CMSS1: variants seen among roughly 807,000 people sequenced by gnomAD.
CMSS1 encodes cms1 ribosomal small subunit homolog, also known as protein CMSS1.
A neutral mutation model predicts 43.5 loss-of-function variants in CMSS1; 33 were observed. The ratio of observed to expected loss-of-function variants is 0.76; its 90% CI spans 0.57 to 1.01. The LOEUF (loss-of-function observed/expected upper bound fraction) is 1.01. CMSS1 is among the 50% of genes least tolerant of loss of function. The pLI is 0.00. For synonymous variants in CMSS1, 115 were observed against 117.2 expected, an observed-to-expected ratio of 0.98 and a Z score of 0.12; for missense variants, 313 against 326.4, an observed-to-expected ratio of 0.96 and a Z score of 0.32.
intron 1 of CMSS1, among the ~76,000 whole-genome samples, chr3:100,119,709 AT>A (rs1463899787): frequency 2.6e-5 from 4 of 152,242 alleles, no homozygotes; most frequent in Non-Finnish European, 5.9e-5. Context: ...GGTAAAAAAA[AT>A]AAGAAAATTA....
At chr3:99,879,535 T>A (rs1361666510) in intron 1 of CMSS1, among the ~76,000 whole-genome samples, 2 of 152,228 alleles carry the variant, frequency 1.3e-5, no homozygotes, top group African/African-American at 4.8e-5. Context: ...CTCCCTGCCT[T>A]TGTTTCTTCT....
At chr3:100,148,828 A>C (rs922719542) in intron 2 of CMSS1, among the ~76,000 whole-genome samples, 5 of 152,094 alleles carry the variant, frequency 3.3e-5, no homozygotes, top group African/African-American at 1.2e-4. Context: ...ATACATGTTT[A>C]ATATATAATC....
intron 1 of CMSS1, among the ~76,000 whole-genome samples, chr3:99,946,866 CA>C (rs776776640): frequency 1.8e-4 from 28 of 152,124 alleles, no homozygotes; most frequent in Non-Finnish European, 3.7e-4. Context: ...CTGTCTCCAT[CA>C]AGGATACAGT....
chr3:99,850,091 G>C, intron 1 of CMSS1: 1 of 1,612,868 alleles, frequency 6.2e-7, no homozygotes, highest in Admixed American at 1.7e-5. Context: ...ACTTTATTTT[G>C]CTCCACTTGA....
intron 1 of CMSS1, among the ~76,000 whole-genome samples, chr3:100,140,165 C>A (rs1351601191): frequency 1.3e-5 from 2 of 152,204 alleles, no homozygotes; most frequent in Non-Finnish European, 2.9e-5. Flanking sequence ...CAACATCACA[C>A]AACTAATAAT....
rs539863739 is a variant in CMSS1, at chr3:99,823,484, CT to C, written c.64+5442del. On this transcript the variant is annotated intron_variant, in intron 1 of 9. Coordinates refer to ENST00000421999, the MANE Select transcript of CMSS1 (RefSeq NM_032359.4). ...TCTGATTTATTTATTTTTTTCACCC[CT>C]ATATCTCATCCATCAAGTCCTGTTG... Among the ~76,000 whole-genome samples the C allele has an allele frequency of 1.6e-4, 24 of 152,228 alleles. No individual in the cohort carries two copies. The East Asian group carries it at 4.6e-3, about 29-fold the overall frequency.
chr3:99,957,693 C>CTTTCTTTTTTTTTTTTTT (rs1708364770), intron 1 of CMSS1, among the ~76,000 whole-genome samples: 1 of 19,902 alleles, frequency 5.0e-5, no homozygotes, highest in East Asian at 8.8e-4. Context: ...TTCTTTCTTT[C>CTTTCTTTTTTTTTTTTTT]TTTTTTTTTT....
At chr3:99,970,102 T>G (rs1283093613) in intron 1 of CMSS1, among the ~76,000 whole-genome samples, 1 of 152,264 alleles carries the variant, frequency 6.6e-6, no homozygotes, top group Non-Finnish European at 1.5e-5. Flanking sequence ...ATAAAAATAG[T>G]AATTTCATAT....
chr3:100,067,230 C>T (rs530931817), intron 1 of CMSS1, among the ~76,000 whole-genome samples: 2 of 152,096 alleles, frequency 1.3e-5, no homozygotes, highest in African/African-American at 4.8e-5. Flanking sequence ...CACAGTTGAA[C>T]AAAAGTAAGG....
At chr3:100,029,423 CTAAA>C (rs34230430) in intron 1 of CMSS1, among the ~76,000 whole-genome samples, 28,008 of 151,882 alleles carry the variant, frequency 0.18, 2,882 homozygotes, top group South Asian at 0.25. Context: ...AAATAAAAAG[CTAAA>C]TAGTCATTCA....
At chr3:100,107,916 G>A (rs943727962) in intron 1 of CMSS1, among the ~76,000 whole-genome samples, 1 of 150,572 alleles carries the variant, frequency 6.6e-6, no homozygotes, top group Non-Finnish European at 1.5e-5. Flanking sequence ...TAGGGCCAGA[G>A]AATCTCAGGG....
At chr3:99,887,077 G>C (rs1312624516) in intron 1 of CMSS1, among the ~76,000 whole-genome samples, 1 of 151,676 alleles carries the variant, frequency 6.6e-6, no homozygotes, top group Non-Finnish European at 1.5e-5. Context: ...TTTGAGACCA[G>C]CCTGACCAAC....
intron 1 of CMSS1, chr3:99,924,359 C>T (rs758287550): frequency 6.2e-7 from 1 of 1,614,102 alleles, no homozygotes; most frequent in East Asian, 2.2e-5. Context: ...TAAAAGCTGT[C>T]CCAGGATTCG....
intron 1 of CMSS1, among the ~76,000 whole-genome samples, chr3:99,831,676 G>C (rs1467908552): frequency 6.6e-6 from 1 of 152,152 alleles, no homozygotes; most frequent in Non-Finnish European, 1.5e-5. Flanking sequence ...TTTAGATTGG[G>C]TCTCCAATTT....
intron 1 of CMSS1, among the ~76,000 whole-genome samples, chr3:100,069,690 G>A (rs1253743898): frequency 6.6e-6 from 1 of 152,160 alleles, no homozygotes; most frequent in Non-Finnish European, 1.5e-5. Context: ...ATGTCGTCAT[G>A]GTCTGGAGGA....
At chr3:100,096,190 A>G (rs1310813838) in intron 1 of CMSS1, among the ~76,000 whole-genome samples, 1 of 152,214 alleles carries the variant, frequency 6.6e-6, no homozygotes, top group Non-Finnish European at 1.5e-5. Flanking sequence ...ACCACTGTGG[A>G]CAACAGTTTG....
chr3:100,135,437 CATGTGTGTGTGTGTGTGT>C (rs1279052552), intron 1 of CMSS1, among the ~76,000 whole-genome samples: 47 of 60,188 alleles, frequency 7.8e-4, no homozygotes, highest in African/African-American at 2.9e-3. Flanking sequence ...TGTGTGTGTG[CATGTGTGTGTGTGTGTGT>C]GTGTGTGTGT....
chr3:99,871,370 A>C (rs1288967058), intron 1 of CMSS1, among the ~76,000 whole-genome samples: 3 of 152,076 alleles, frequency 2.0e-5, no homozygotes, highest in African/African-American at 7.2e-5. Flanking sequence ...TTTATCCAAC[A>C]CCTTTTCTGT....
chr3:100,082,449 T>G (rs896938014), intron 1 of CMSS1, among the ~76,000 whole-genome samples: 1 of 152,218 alleles, frequency 6.6e-6, no homozygotes, highest in Non-Finnish European at 1.5e-5. Context: ...GCTTTAAGAC[T>G]GGTAGTTAGT....
Sources: gnomAD v4.1 joint callset for allele counts (sites outside exome capture counted in the v4.1 genomes callset) on GRCh38, gnomAD v4.1.1 for gene constraint, MANE v1.5 for transcripts, NCBI Gene and HGNC (gene_info 2026-07-23, HGNC 2026-07-21) for gene names.